The following NBAS variants were observed in gnomAD, a reference collection of about 807,000 sequenced individuals.
NBAS encodes the protein NBAS subunit of NRZ tethering complex.
In NBAS, 219 loss-of-function variants were observed where a neutral mutation model predicts 302.5. The observed-to-expected ratio is 0.72, with a 90% CI of 0.65 to 0.81. NBAS has a LOEUF of 0.81. Among genes scored for constraint, NBAS ranks in the 30% least tolerant of loss-of-function variants. The pLI is 0.00. For synonymous variants in NBAS, 1,118 were observed against 1,021.6 expected, an observed-to-expected ratio of 1.09 and a Z score of -1.80; for missense variants, 2,932 against 2,841.6, an observed-to-expected ratio of 1.03 and a Z score of -0.72.
downstream of NBAS, among the ~76,000 whole-genome samples, chr2:15,166,235 G>C (rs565085004): frequency 2.0e-5 from 3 of 152,300 alleles, no homozygotes; most frequent in African/African-American, 7.2e-5. Flanking sequence ...ATGCACATCA[G>C]CGAACCCTAA....
the NBAS span, among the ~76,000 whole-genome samples, chr2:14,848,278 G>T: frequency 6.8e-6 from 1 of 147,734 alleles, no homozygotes; most frequent in East Asian, 1.9e-4. Context: ...AGCGCAAGGG[G>T]TCAGGGAGTT....
intron 48 of NBAS, among the ~76,000 whole-genome samples, chr2:15,196,107 T>C (rs1020654830): frequency 6.6e-6 from 1 of 152,228 alleles, no homozygotes; most frequent in African/African-American, 2.4e-5. Context: ...CCTGTTAATA[T>C]ACTCTCACTC....
In NBAS at chr2:15,502,638, T is replaced by C. The variant is rs556600581; in HGVS notation, c.954+1507A>G. On this transcript the variant is annotated intron_variant, in intron 11 of 51. Coordinates refer to ENST00000281513, the MANE Select transcript of NBAS (RefSeq NM_015909.4). ...GGTATAAAAGATAACAAATGGAACA[T>C]GTGTATAGGGCATTGACCATGAATG... Among the ~76,000 whole-genome samples, 4 of 152,274 alleles carry C rather than the reference T, an allele frequency of 2.6e-5. No individual in the cohort carries two copies. In the South Asian group the frequency reaches 8.3e-4, roughly 32 times the overall value.
At chr2:14,809,710 A>T in the NBAS span, among the ~76,000 whole-genome samples, 1 of 152,168 alleles carries the variant, frequency 6.6e-6, no homozygotes. Context: ...GAGCTGTGAG[A>T]AGAGGGCCAC....
the NBAS span, among the ~76,000 whole-genome samples, chr2:14,782,579 C>G: frequency 1.3e-5 from 2 of 152,098 alleles, no homozygotes; most frequent in Non-Finnish European, 2.9e-5. Flanking sequence ...ACAGAACTAC[C>G]ATTTGACCCA....
intron 50 of NBAS, among the ~76,000 whole-genome samples, chr2:15,183,926 TAAA>T (rs1301293251): frequency 1.3e-5 from 2 of 152,082 alleles, no homozygotes; most frequent in Non-Finnish European, 2.9e-5. Context: ...CCCCTGCAAA[TAAA>T]CTTAATGTAT....
In NBAS at chr2:15,478,928, C is replaced by G. The variant is rs116766897; in HGVS notation, c.1084-639G>C. Among the ~76,000 whole-genome samples the G allele has an allele frequency of 3.1e-3, 478 of 152,236 alleles. 2 individuals are homozygous for G. The highest frequency in any genetic ancestry group is 0.011 in the African/African-American group (452 of 41,534). On this transcript the variant is annotated intron_variant, in intron 12 of 51. Transcript: ENST00000281513. Reference sequence around the variant, plus strand: ...TGACGACCTCTTGGCTTAGTGTTCCCTTCTTAGTCTCTGGAATTACAATAG... The same window carrying G: ...TGACGACCTCTTGGCTTAGTGTTCCGTTCTTAGTCTCTGGAATTACAATAG...
chr2:15,238,564 A>G lies in NBAS; in HGVS notation c.5847T>C (p.Val1949=). The G allele has an allele frequency of 6.2e-7, 1 of 1,614,120 alleles. No individual in the cohort carries two copies. The highest frequency in any genetic ancestry group is 8.5e-7 in the Non-Finnish European group (1 of 1,180,018). Reference sequence around the variant, plus strand: ...GATGATTCAAAGTATCTGCATAGGTAACTTTAGAATCCTTAGCTTCTTGAG... The same window carrying G: ...GATGATTCAAAGTATCTGCATAGGTGACTTTAGAATCCTTAGCTTCTTGAG... The part of the protein sequence containing the change: ...DEAQEAKDSK[V]TYADTLNHLE... The change falls in exon 45 of 52, where the codon GTT becomes GTC. Residue 1949 remains valine, a synonymous_variant. Transcript: ENST00000281513.
chr2:15,156,302 T>C, the NBAS span, among the ~76,000 whole-genome samples: 2 of 152,160 alleles, frequency 1.3e-5, no homozygotes, highest in Non-Finnish European at 2.9e-5. Flanking sequence ...GGAGCATTCC[T>C]ATAGGGCAGG....
the NBAS span, among the ~76,000 whole-genome samples, chr2:15,061,499 C>T: frequency 6.6e-6 from 1 of 152,218 alleles, no homozygotes; most frequent in African/African-American, 2.4e-5. Context: ...CATGTGATTT[C>T]ATTAAAATGC....
intron 9 of NBAS, among the ~76,000 whole-genome samples, chr2:15,519,775 T>G (rs1318615328): frequency 4.6e-5 from 7 of 152,106 alleles, no homozygotes; most frequent in Non-Finnish European, 1.0e-4. Flanking sequence ...ATTTCCCCAG[T>G]TTTTCTGATG....
At chr2:15,097,578 C>A in the NBAS span, among the ~76,000 whole-genome samples, 1 of 151,874 alleles carries the variant, frequency 6.6e-6, no homozygotes, top group Non-Finnish European at 1.5e-5. Flanking sequence ...TGGTAAGGAC[C>A]CTTTTCTGAG....
At position 15,558,594 on chromosome 2, in the gene NBAS, G is replaced by A. The variant is rs776059952; in HGVS notation, c.158C>T (p.Thr53Met). ...GCTATATTTACCTCGAATTGCTTTC[G>A]TGATGATAAAGGATGCACCATGTTT... ...NQKHGASFII[T>M]KAIRDRLLFL... Residue 53 changes from threonine to methionine, a missense_variant, in exon 2 of 52, where the codon ACG becomes ATG. By Grantham distance (81) the Thr-to-Met change is moderately conservative. Coordinates refer to ENST00000281513, the MANE Select transcript of NBAS (RefSeq NM_015909.4). The A allele has an allele frequency of 1.1e-5, 18 of 1,612,670 alleles. No homozygotes were observed. Among genetic ancestry groups the A allele is most frequent in the Admixed American group, 1.7e-5 (1 of 59,928 alleles).
chr2:15,178,637 A>T (rs944691510), intron 51 of NBAS, among the ~76,000 whole-genome samples: 25 of 152,218 alleles, frequency 1.6e-4, no homozygotes, highest in African/African-American at 5.8e-4. Flanking sequence ...CAATGATGGG[A>T]GTTCCCTAGA....
At chr2:15,273,653 G>A (rs1669433202) in intron 44 of NBAS, among the ~76,000 whole-genome samples, 1 of 152,182 alleles carries the variant, frequency 6.6e-6, no homozygotes, top group African/African-American at 2.4e-5. Context: ...TCTCAAGGAA[G>A]CAGAAGTCTA....
chr2:14,795,698 G>A, the NBAS span, among the ~76,000 whole-genome samples: 7 of 152,292 alleles, frequency 4.6e-5, no homozygotes, highest in South Asian at 1.5e-3. Context: ...AATCGTTGCT[G>A]TAGGTAAGTG....
rs1669546783 is a variant in NBAS, at chr2:15,275,739, G to A, written c.5469C>T (p.Ile1823=). The A allele has an allele frequency of 6.2e-7, 1 of 1,614,118 alleles. No individual in the cohort carries two copies. The highest frequency in any genetic ancestry group is 1.6e-4 in the Middle Eastern group (1 of 6,062). The stretch of plus-strand genomic sequence containing the variant: ...TGGGAACAAGTTTGGAAATAGACAA[G>A]ATATTTTGACTTGAAAGAACTGGCT... The part of the protein sequence containing the change: ...ALEPVLSSQN[I]LSISKLVPKI... Residue 1823 remains isoleucine (I), a synonymous_variant, in exon 44 of 52, where the codon ATC becomes ATT. Coordinates refer to ENST00000281513, the MANE Select transcript of NBAS (RefSeq NM_015909.4).
the NBAS span, among the ~76,000 whole-genome samples, chr2:14,973,801 A>G: frequency 1.3e-5 from 2 of 152,198 alleles, no homozygotes; most frequent in African/African-American, 2.4e-5. Context: ...GGAGGAGATT[A>G]TTGTCATTAT....
At chr2:15,490,003 G>A (rs1333560558) in intron 11 of NBAS, among the ~76,000 whole-genome samples, 2 of 152,158 alleles carry the variant, frequency 1.3e-5, no homozygotes, top group Non-Finnish European at 2.9e-5. Context: ...ATCCCCAGAT[G>A]ACAACAGAAC....
Sources: allele counts gnomAD v4.1 joint callset (sites outside exome capture counted in the v4.1 genomes callset), GRCh38; gene constraint gnomAD v4.1.1; transcripts MANE v1.5; gene names NCBI Gene and HGNC (gene_info 2026-07-23, HGNC 2026-07-21).